HSPA8: variants seen among roughly 807,000 people sequenced by gnomAD.
HSPA8 encodes heat shock protein family A (Hsp70) member 8, also known as heat shock cognate 71 kDa protein.
HSPA8 carries 2 observed loss-of-function variants against 52.8 expected under a neutral mutation model. That is an observed-to-expected ratio of 0.04 (90% CI 0.02 to 0.12). The LOEUF is 0.12. Among genes scored for constraint, HSPA8 ranks in the 10% least tolerant of loss-of-function variants. The probability of loss-of-function intolerance (pLI) is 1.00; values close to 1 mark genes in which losing one functional copy is unlikely to be tolerated. For synonymous variants in HSPA8, 436 were observed against 274.0 expected, an observed-to-expected ratio of 1.59 and a Z score of -5.84; for missense variants, 349 against 800.5, an observed-to-expected ratio of 0.44 and a Z score of 6.81.
At chr11:123,061,602 T>G in intron 1 of HSPA8, 1 of 491,162 alleles carries the variant, frequency 2.0e-6, no homozygotes, top group East Asian at 3.8e-5. Context: ...AACTGAGCAC[T>G]GTCTGTTCCC....
rs183933120 is a variant in HSPA8 at position 123,058,838 on chromosome 11, G to A, written c.1324-8C>T. 62 of 1,613,586 alleles carry A rather than the reference G, an allele frequency of 3.8e-5. No individual in the cohort carries two copies. In the East Asian group the frequency reaches 8.7e-4, roughly 23 times the overall value. On this transcript the variant is annotated splice_polypyrimidine_tract_variant and splice_region_variant and intron_variant, in intron 6 of 8. Coordinates refer to ENST00000534624, the MANE Select transcript of HSPA8 (RefSeq NM_006597.6). ...ACGCTCGCCTTCATAAACCTTGGTAGGAAATAAAACAAATTACTACAATGG... is the reference window on the plus strand; with the variant it reads ...ACGCTCGCCTTCATAAACCTTGGTAAGAAATAAAACAAATTACTACAATGG...
In HSPA8 at chr11:123,060,279, G is replaced by C. The variant is rs752132618; in HGVS notation, c.412-11C>G. On this transcript the variant is annotated splice_polypyrimidine_tract_variant and intron_variant, in intron 3 of 8. Transcript: ENST00000534624. ...AGCATTGGTAACAGTCTAGGAATAA[G>C]GAAAAGACCACAGATTGGTAACTAT... The C allele has an allele frequency of 8.7e-6, 14 of 1,611,596 alleles. No homozygotes were observed. Among genetic ancestry groups the C allele is most frequent in the South Asian group, 2.2e-5 (2 of 91,002 alleles).
rs376351339 is a variant in HSPA8 at position 123,058,488 on chromosome 11, G to C, written c.1523-4C>G. On this transcript the variant is annotated splice_region_variant and splice_polypyrimidine_tract_variant and intron_variant, in intron 7 of 8. Transcript: ENST00000534624. ...ATGTCTTCCTTGCTCAAACGGCCTA[G>C]GAAAGAAATTAACTCTAAGTAAAAG... 4 of 1,612,740 alleles carry C rather than the reference G, an allele frequency of 2.5e-6. No homozygotes were observed. Among genetic ancestry groups the C allele is most frequent in the Non-Finnish European group, 1.7e-6 (2 of 1,179,016 alleles).
chr11:123,058,543 A>C, intron 7 of HSPA8, 59 bp from the exon 8 acceptor site: 1 of 1,577,402 alleles, frequency 6.3e-7, no homozygotes, highest in Non-Finnish European at 8.7e-7. Context: ...GTGTAACTCT[A>C]GTTTCTCTTA....
At chr11:123,057,944 TG>T (rs750459503) in intron 8 of HSPA8, 25 bp from the exon 9 acceptor site, 2 of 1,539,426 alleles carry the variant, frequency 1.3e-6, no homozygotes, top group Non-Finnish European at 8.8e-7. Context: ...AAGGAATTAC[TG>T]CAAGTTCTTT....
chr11:123,060,794 G>A lies in HSPA8; in HGVS notation c.210C>T (p.Ala70=), dbSNP rs1298424961. 1.2e-6 allele frequency: 2 copies of A among 1,611,180 alleles called. No homozygotes were observed. Among genetic ancestry groups the A allele is most frequent in the Middle Eastern group, 1.7e-4 (1 of 6,052 alleles). The stretch of plus-strand genomic sequence containing the variant: ...CAAATCTGCGTCCAATCAGACGTTT[G>A]GCATCTGTAAAAGGTGTCAAATGAA... The part of the protein sequence containing the change: ...AMNPTNTVFD[A]KRLIGRRFDD... Residue 70 remains alanine, a synonymous_variant, in exon 3 of 9, where the codon GCC becomes GCT. Transcript: ENST00000534624.
In HSPA8 at chr11:123,059,630, A is replaced by C. The variant is rs1865433776; in HGVS notation, c.963T>G (p.Leu321=). 6.2e-7 allele frequency: 1 copy of C among 1,614,000 alleles called. No individual in the cohort carries two copies. Among genetic ancestry groups the C allele is most frequent in the Admixed American group, 1.7e-5 (1 of 60,000 alleles). The change falls in exon 5 of 9, where the codon CTT becomes CTG. Residue 321 remains leucine (L), a synonymous_variant. Coordinates refer to ENST00000534624, the MANE Select transcript of HSPA8 (RefSeq NM_006597.6). ...RGTLDPVEKA[L]RDAKLDKSQI... The stretch of plus-strand genomic sequence containing the variant: ...GTGACTTGTCTAGTTTGGCATCTCG[A>C]AGGGCTTTCTCTACTGGGTCCAGGG...
At chr11:123,061,385 T>A in intron 1 of HSPA8, 56 bp from the exon 2 acceptor site, 2 of 1,333,420 alleles carry the variant, frequency 1.5e-6, no homozygotes, top group Admixed American at 1.9e-5. Context: ...ATTTCCCTCA[T>A]CCCTTAACAG....
intron 2 of HSPA8, 53 bp downstream of exon 2, chr11:123,061,067 T>C (rs1445198594): frequency 4.2e-5 from 63 of 1,490,302 alleles, no homozygotes; most frequent in Non-Finnish European, 5.6e-5. Flanking sequence ...CATAAACTTT[T>C]GTGCTTCCTA....
chr11:123,060,040 A>C lies in HSPA8; in HGVS notation c.565-12T>G, dbSNP rs1404198563. 3 of 1,614,078 alleles carry C rather than the reference A, an allele frequency of 1.9e-6. No individual in the cohort carries two copies. The Admixed American group carries it at 5.0e-5, about 27-fold the overall frequency. On this transcript the variant is annotated splice_polypyrimidine_tract_variant and intron_variant, in intron 4 of 8. Coordinates refer to ENST00000534624, the MANE Select transcript of HSPA8 (RefSeq NM_006597.6). The stretch of plus-strand genomic sequence containing the variant: ...CTTTCTGCTCCAACCTGCCGTTAAA[A>C]ACAATCTCATTTAAATTTACGATGG...
At chr11:123,061,940 G>A (rs1865521794) in intron 1 of HSPA8, 124 bp downstream of exon 1, 1 of 157,052 alleles carries the variant, frequency 6.4e-6, no homozygotes, top group Admixed American at 6.1e-5. Flanking sequence ...TAAGCCGGTA[G>A]AAGGAGCCGC....
chr11:123,060,469 A>G, intron 3 of HSPA8, 124 bp downstream of exon 3: 1 of 911,370 alleles, frequency 1.1e-6, no homozygotes, highest in South Asian at 1.5e-5. Context: ...ACTGTTGGGC[A>G]CGTGGTCTTA....
Position 123,059,412 on chromosome 11 carries a change from C to CATCACA in HSPA8, c.1120+55_1120+60dup, listed in dbSNP as rs1364381151. The stretch of plus-strand genomic sequence containing the variant: ...AAACTACGAATGTTTAACAATCACT[C>CATCACA]ATCACAGCGAGTCACCTTGGGCCTG... On this transcript the variant is annotated intron_variant, in intron 5 of 8. Coordinates refer to ENST00000534624, the MANE Select transcript of HSPA8 (RefSeq NM_006597.6). 3 of 1,453,586 alleles carry CATCACA rather than the reference C, an allele frequency of 2.1e-6. No homozygotes were observed. In the African/African-American group the frequency reaches 4.2e-5, roughly 20 times the overall value. The allele number at this position is 1,453,586 out of a possible 1,614,324, so 90.0% of individuals were successfully genotyped here.
chr11:123,061,181 T>C lies in HSPA8; in HGVS notation c.144A>G (p.Glu48=). The change falls in exon 2 of 9, where the codon GAA becomes GAG. Residue 48 remains glutamate (E), a synonymous_variant. Coordinates refer to ENST00000534624, the MANE Select transcript of HSPA8 (RefSeq NM_006597.6). ...TPSYVAFTDT[E]RLIGDAAKNQ... is the part of the protein sequence containing the mutation. Reference sequence around the variant, plus strand: ...TCTTTGCGGCATCACCGATCAACCGTTCAGTGTCCGTAAAGGCGACATAGC... The same window carrying C: ...TCTTTGCGGCATCACCGATCAACCGCTCAGTGTCCGTAAAGGCGACATAGC... 1 of 1,613,880 alleles carries C rather than the reference T, an allele frequency of 6.2e-7. No homozygotes were observed. Among genetic ancestry groups the C allele is most frequent in the South Asian group, 1.1e-5 (1 of 91,050 alleles).
At chr11:123,060,997 C>T (rs984469760) in intron 2 of HSPA8, 123 bp downstream of exon 2, 1 of 951,752 alleles carries the variant, frequency 1.1e-6, no homozygotes, top group Non-Finnish European at 1.6e-6. Flanking sequence ...TTATAACAGA[C>T]TTGATAACAA....
intron 1 of HSPA8, 80 bp from the exon 2 acceptor site, chr11:123,061,409 G>T: frequency 8.8e-7 from 1 of 1,136,478 alleles, no homozygotes; most frequent in Admixed American, 2.0e-5. Flanking sequence ...ACTTAACCAG[G>T]AAAAACGTAT....
At chr11:123,061,562 G>A in intron 1 of HSPA8, 1 of 561,656 alleles carries the variant, frequency 1.8e-6, no homozygotes, top group South Asian at 2.0e-5. Flanking sequence ...AGACGGCGTG[G>A]GGCGTTGCTC....
In HSPA8 at chr11:123,058,226, G is replaced by GGA. The variant is rs1555074069; in HGVS notation, c.1755+25_1755+26insTC. ...CCTTCCCCTCCATTGAGTGGGGGAGGAAAAAAAAAAAAAAAAAACACAAAC... is the reference window on the plus strand; with the variant it reads ...CCTTCCCCTCCATTGAGTGGGGGAGGGAAAAAAAAAAAAAAAAAAACACAAAC... On this transcript the variant is annotated intron_variant, in intron 8 of 8. Transcript: ENST00000534624. The GGA allele has an allele frequency of 6.7e-5, 68 of 1,013,470 alleles. No individual in the cohort carries two copies. In the South Asian group the frequency reaches 8.8e-4, roughly 13 times the overall value. The allele number at this position is 1,013,470 out of a possible 1,614,324, so 62.8% of individuals were successfully genotyped here. A position where few individuals can be genotyped will look rare whatever the true frequency, so the allele number is the denominator to read the frequency against.
chr11:123,057,645 TTTTAA>T lies in HSPA8; in HGVS notation c.*84_*88del. On this transcript the variant is annotated 3_prime_UTR_variant, in exon 9 of 9. Coordinates refer to ENST00000534624, the MANE Select transcript of HSPA8 (RefSeq NM_006597.6). ...AGTAACTTACTATAGCAGCTTAACT[TTTTAA>T]AACTGCCACAGAATTTGCTACGAAT... 1 of 1,098,404 alleles carries T rather than the reference TTTTAA, an allele frequency of 9.1e-7. No individual in the cohort carries two copies. The highest frequency in any genetic ancestry group is 1.3e-6 in the Non-Finnish European group (1 of 762,396). The allele number at this position is 1,098,404 out of a possible 1,614,324, so 68.0% of individuals were successfully genotyped here. A position where few individuals can be genotyped will look rare whatever the true frequency, so the allele number is the denominator to read the frequency against.
Sources: allele counts gnomAD v4.1 joint callset, GRCh38; gene constraint gnomAD v4.1.1; transcripts MANE v1.5; gene names NCBI Gene and HGNC (gene_info 2026-07-23, HGNC 2026-07-21).